Variants in ADIPOR2 observed in about 807,000 individuals in gnomAD.
The protein encoded by ADIPOR2 is adiponectin receptor protein 2.
Under a neutral mutation model 40.9 loss-of-function variants are expected in ADIPOR2, and 18 were observed. The observed-to-expected ratio is 0.44, with a 90% CI of 0.30 to 0.65. The LOEUF is 0.65. Ranked by LOEUF, ADIPOR2 falls within the 30% of genes least tolerant of loss-of-function variation. ADIPOR2 has a pLI of 0.09. For missense variants in ADIPOR2, 283 were observed against 479.2 expected (o/e 0.59, Z 3.82); for synonymous variants, 165 against 166.4 (o/e 0.99, Z 0.06).
At chr12:1,770,518 G>C (rs528980085) in intron 2 of ADIPOR2, among the ~76,000 whole-genome samples, 1 of 151,974 alleles carries the variant, frequency 6.6e-6, no homozygotes, top group African/African-American at 2.4e-5. Context: ...GCTATTGCCC[G>C]TTTTCAGGTT....
intron 1 of ADIPOR2, among the ~76,000 whole-genome samples, chr12:1,752,458 G>A (rs1478761071): frequency 6.6e-6 from 1 of 151,996 alleles, no homozygotes. Context: ...TACAGCTTCA[G>A]CATCAAGATC....
intron 1 of ADIPOR2, among the ~76,000 whole-genome samples, chr12:1,708,723 C>CTT (rs1266225378): frequency 1.4e-5 from 2 of 142,948 alleles, no homozygotes; most frequent in African/African-American, 2.6e-5. Context: ...TATACCTATA[C>CTT]TTTTTTTTTT....
intron 1 of ADIPOR2, among the ~76,000 whole-genome samples, chr12:1,734,963 T>A (rs2094727395): frequency 6.6e-6 from 1 of 152,196 alleles, no homozygotes; most frequent in Non-Finnish European, 1.5e-5. Flanking sequence ...TATCTCTGTT[T>A]TGGTACCAGT....
chr12:1,695,605 G>T (rs2094636987), intron 1 of ADIPOR2, among the ~76,000 whole-genome samples: 1 of 149,616 alleles, frequency 6.7e-6, no homozygotes, highest in South Asian at 2.1e-4. Flanking sequence ...GGAGGTTGCA[G>T]TGAACCGAGA....
intron 3 of ADIPOR2, among the ~76,000 whole-genome samples, chr12:1,777,192 A>T (rs1862612288): frequency 7.9e-6 from 1 of 127,124 alleles, no homozygotes; most frequent in Admixed American, 8.7e-5. Context: ...CACCACAGGG[A>T]TTTATCAGAG....
At chr12:1,777,382 CTTTTTTTTTTTT>C (rs59141974) in intron 3 of ADIPOR2, among the ~76,000 whole-genome samples, 2 of 98,744 alleles carry the variant, frequency 2.0e-5, no homozygotes, top group Admixed American at 2.2e-4. Context: ...TTTTTTCTTT[CTTTTTTTTTTTT>C]TTTTTTTTTG....
chr12:1,754,699 T>C (rs10082811), intron 2 of ADIPOR2, among the ~76,000 whole-genome samples, 185 bp downstream of exon 2: 3,606 of 103,478 alleles, frequency 0.035, 72 homozygotes, highest in African/African-American at 0.065. Flanking sequence ...ATTATTATTA[T>C]TACTACTACT....
intron 3 of ADIPOR2, among the ~76,000 whole-genome samples, chr12:1,773,342 A>G (rs532894607): frequency 2.6e-5 from 4 of 152,184 alleles, no homozygotes; most frequent in Non-Finnish European, 5.9e-5. Context: ...AGTGACTGCA[A>G]TGGCAAATGT....
chr12:1,691,093 AGCG>A lies in ADIPOR2; in HGVS notation c.-176_-174del. On this transcript the variant is annotated 5_prime_UTR_variant, in exon 1 of 8. Coordinates refer to ENST00000357103, the MANE Select transcript of ADIPOR2 (RefSeq NM_024551.3). ...CCAGAAGCGGCATCGCGGCGGCGGC[AGCG>A]GCGGCGGCTACACCGGGCTTGGCCC... is the stretch of plus-strand genomic sequence containing the variant. 6 of 165,682 alleles carry A rather than the reference AGCG, an allele frequency of 3.6e-5. No individual in the cohort carries two copies. Among genetic ancestry groups the A allele is most frequent in the South Asian group, 2.6e-4 (2 of 7,776 alleles). 10.3% of individuals were successfully genotyped at this position (165,682 alleles called of 1,614,324 possible).
intron 1 of ADIPOR2, among the ~76,000 whole-genome samples, chr12:1,724,143 A>G (rs1386323063): frequency 2.6e-5 from 4 of 151,980 alleles, no homozygotes; most frequent in African/African-American, 9.7e-5. Flanking sequence ...CACGACGCCC[A>G]GCTAATTTTT....
intron 1 of ADIPOR2, among the ~76,000 whole-genome samples, chr12:1,745,722 A>C (rs928520052): frequency 2.0e-5 from 3 of 152,118 alleles, no homozygotes; most frequent in African/African-American, 7.2e-5. Context: ...CTTCACCATA[A>C]ATTTGATGTT....
Position 1,708,014 on chromosome 12 carries a change from G to T in ADIPOR2, c.-87+16823G>T, listed in dbSNP as rs565033899. ...AGGGTTCCACATCCACAGATTTAAC[G>T]AATCTAAGATGGAAAATGTTTGGTA... On this transcript the variant is annotated intron_variant, in intron 1 of 7. Transcript: ENST00000357103. Among the ~76,000 whole-genome samples, 7 of 150,750 alleles carry T rather than the reference G, an allele frequency of 4.6e-5. No homozygotes were observed. The Admixed American group carries it at 4.7e-4, about 10-fold the overall frequency.
chr12:1,754,146 A>T (rs932270766), intron 1 of ADIPOR2, 112 bp from the exon 2 acceptor site: 2 of 438,462 alleles, frequency 4.6e-6, no homozygotes, highest in Non-Finnish European at 7.7e-6. Context: ...TAAGTACATT[A>T]TTCTTTTATT....
At chr12:1,729,389 G>A (rs748047793) in intron 1 of ADIPOR2, among the ~76,000 whole-genome samples, 6 of 151,448 alleles carry the variant, frequency 4.0e-5, no homozygotes, top group Non-Finnish European at 8.8e-5. Flanking sequence ...TGCTTCATTG[G>A]GACTTTAAGG....
At chr12:1,711,823 G>A (rs2094677893) in intron 1 of ADIPOR2, among the ~76,000 whole-genome samples, 1 of 151,894 alleles carries the variant, frequency 6.6e-6, no homozygotes, top group African/African-American at 2.4e-5. Context: ...CCACCTCCTT[G>A]GGTTTTTGCA....
chr12:1,715,851 C>A lies in ADIPOR2; in HGVS notation c.-87+24660C>A, dbSNP rs575279098. On this transcript the variant is annotated intron_variant, in intron 1 of 7. Transcript: ENST00000357103. ...CTAGAGGTTTGTAAAATGGACCAGTCAGCACCCTGTAAAATGGACCAATCA... is the reference window on the plus strand; with the variant it reads ...CTAGAGGTTTGTAAAATGGACCAGTAAGCACCCTGTAAAATGGACCAATCA... Among the ~76,000 whole-genome samples, 12 of 152,206 alleles carry A rather than the reference C, an allele frequency of 7.9e-5. No individual in the cohort carries two copies. The East Asian group carries it at 2.3e-3, about 29-fold the overall frequency.
At chr12:1,715,657 T>C (rs2094686016) in intron 1 of ADIPOR2, among the ~76,000 whole-genome samples, 1 of 152,168 alleles carries the variant, frequency 6.6e-6, no homozygotes, top group African/African-American at 2.4e-5. Context: ...CATCGCCCAA[T>C]TCCTAGCAGC....
At chr12:1,749,719 C>G (rs2094764795) in intron 1 of ADIPOR2, among the ~76,000 whole-genome samples, 1 of 151,910 alleles carries the variant, frequency 6.6e-6, no homozygotes, top group Non-Finnish European at 1.5e-5. Flanking sequence ...GAAATCCTTG[C>G]TGGGATCTTG....
Position 1,772,886 on chromosome 12 carries a change from TGAG to T in ADIPOR2, c.218_220del (p.Glu73del). The T allele has an allele frequency of 6.2e-7, 1 of 1,613,606 alleles. No homozygotes were observed. The highest frequency in any genetic ancestry group is 8.5e-7 in the Non-Finnish European group (1 of 1,179,698). Reference sequence around the variant, plus strand: ...ACAGTGATGAAGCTCCTCAGGAAGATGAGGGCTTTATGGGCATGTCCCCTCTCT... The same window carrying T: ...ACAGTGATGAAGCTCCTCAGGAAGATGGCTTTATGGGCATGTCCCCTCTCT... On this transcript the variant is annotated inframe_deletion, in exon 3 of 8. Transcript: ENST00000357103.
Sources: allele counts gnomAD v4.1 joint callset (sites outside exome capture counted in the v4.1 genomes callset), GRCh38; gene constraint gnomAD v4.1.1; transcripts MANE v1.5; gene names NCBI Gene and HGNC (gene_info 2026-07-23, HGNC 2026-07-21).